HPGD: variants seen among roughly 807,000 people sequenced by gnomAD.
HPGD encodes 15-hydroxyprostaglandin dehydrogenase.
HPGD carries 29 observed loss-of-function variants against 30.0 expected under a neutral mutation model. That is an observed-to-expected ratio of 0.97 (90% CI 0.72 to 1.32). The LOEUF is 1.32. HPGD is among the 40% of genes most tolerant of loss of function. The pLI is 0.00. For synonymous variants in HPGD, 99 were observed against 112.4 expected, an observed-to-expected ratio of 0.88 and a Z score of 0.75; for missense variants, 340 against 322.1, an observed-to-expected ratio of 1.06 and a Z score of -0.43.
chr4:174,514,556 A>G (rs1279525763), intron 3 of HPGD, among the ~76,000 whole-genome samples: 3 of 152,124 alleles, frequency 2.0e-5, no homozygotes. Flanking sequence ...TAAAGCAAAC[A>G]TCTTACTGAG....
At chr4:174,522,526 C>T, upstream of HPGD, 1 of 1,029,370 alleles carries the variant, frequency 9.7e-7, no homozygotes, top group Non-Finnish European at 1.3e-6. Context: ...TGCCCCCCTG[C>T]GCGCGCGCGC....
rs1734299523 is a variant in HPGD, at chr4:174,490,703, CA to C, written c.*1252del. 1 of 152,312 alleles carries C rather than the reference CA, an allele frequency of 6.6e-6. No individual in the cohort carries two copies. The highest frequency in any genetic ancestry group is 1.5e-5 in the Non-Finnish European group (1 of 68,004). The allele number at this position is 152,312 out of a possible 1,614,324, so 9.4% of individuals were successfully genotyped here. ...AGAATTAAAATAGGGCAAGATATGA[CA>C]ACATTCCAGTACTTCTAGGAAATCC... is the stretch of plus-strand genomic sequence containing the variant. On this transcript the variant is annotated 3_prime_UTR_variant, in exon 7 of 7. Transcript: ENST00000296522. This position sits in a 1 kb window ranked among gnomAD's most constrained non-coding sequence, Gnocchi z 4.4.
rs1579272444 is a variant in HPGD, at chr4:174,495,807, C to T, written c.422-183G>A. On this transcript the variant is annotated intron_variant, in intron 4 of 6. Coordinates refer to ENST00000296522, the MANE Select transcript of HPGD (RefSeq NM_000860.6). ...TAGCCTAAGTGTAGTTTATTTGCTC[C>T]ATGACCCGTGTCGTCCAGAATTTAT... 3 of 626,922 alleles carry T rather than the reference C, an allele frequency of 4.8e-6. No individual in the cohort carries two copies. In the East Asian group the frequency reaches 8.5e-5, roughly 18 times the overall value. The allele number at this position is 626,922 out of a possible 1,614,324, so 38.8% of individuals were successfully genotyped here.
chr4:174,504,921 A>G (rs902574620), intron 4 of HPGD, among the ~76,000 whole-genome samples: 4 of 152,220 alleles, frequency 2.6e-5, no homozygotes, highest in Non-Finnish European at 5.9e-5. Context: ...ATTAAACCAG[A>G]CTTCGTTCTT....
Position 174,492,797 on chromosome 4 carries a change from A to T in HPGD, c.662+354T>A, listed in dbSNP as rs1469181586. Among the ~76,000 whole-genome samples, 4 of 152,072 alleles carry T rather than the reference A, an allele frequency of 2.6e-5. No individual in the cohort carries two copies. Among genetic ancestry groups the T allele is most frequent in the African/African-American group, 7.2e-5 (3 of 41,438 alleles). On this transcript the variant is annotated intron_variant, in intron 6 of 6. Coordinates refer to ENST00000296522, the MANE Select transcript of HPGD (RefSeq NM_000860.6). This position sits in a 1 kb window ranked among gnomAD's most constrained non-coding sequence, Gnocchi z 4.9. Reference sequence around the variant, plus strand: ...GTGTGTGTATCAACTATTTCTTATAAAAGTGGTTGAAGTCATGGAAACTTG... The same window carrying T: ...GTGTGTGTATCAACTATTTCTTATATAAGTGGTTGAAGTCATGGAAACTTG...
rs541949218 is a variant in HPGD at position 174,511,683 on chromosome 4, G to C, written c.325-2891C>G. Among the ~76,000 whole-genome samples, 16 of 152,144 alleles carry C rather than the reference G, an allele frequency of 1.1e-4. No individual in the cohort carries two copies. The East Asian group carries it at 3.1e-3, about 29-fold the overall frequency. ...TGTTTTTGAGACAGAGTCTCGCTCT[G>C]TCGCCCAGGCTGGAGTGCAGTGGCG... On this transcript the variant is annotated intron_variant, in intron 3 of 6. Transcript: ENST00000296522.
Position 174,494,362 on chromosome 4 carries a change from G to A in HPGD, c.499-1048C>T, listed in dbSNP as rs1017812974. 6.6e-6 allele frequency among the ~76,000 whole-genome samples: 1 copy of A among 152,138 alleles called. No individual in the cohort carries two copies. The highest frequency in any genetic ancestry group is 1.5e-5 in the Non-Finnish European group (1 of 68,028). On this transcript the variant is annotated intron_variant, in intron 5 of 6. Coordinates refer to ENST00000296522, the MANE Select transcript of HPGD (RefSeq NM_000860.6). The surrounding 1 kb of genome is among the most constrained non-coding windows in gnomAD (Gnocchi z 4.9). The stretch of plus-strand genomic sequence containing the variant: ...TATTTCCCCTAAAAGCAATGGTTCA[G>A]TAGTCACTAATGTAGTGTTTGTAAG...
intron 2 of HPGD, 30 bp downstream of exon 2, chr4:174,521,914 C>T (rs776313201): frequency 6.2e-7 from 1 of 1,613,708 alleles, no homozygotes; most frequent in Non-Finnish European, 8.5e-7. Context: ...GAGCACGTTC[C>T]CAGTTGACAG....
chr4:174,506,537 T>C (rs965078581), intron 4 of HPGD, among the ~76,000 whole-genome samples: 2 of 152,174 alleles, frequency 1.3e-5, no homozygotes, highest in African/African-American at 4.8e-5. Flanking sequence ...GAGGCTTACT[T>C]GATGTATAAG....
chr4:174,518,195 A>G, intron 2 of HPGD, 118 bp from the exon 3 acceptor site: 1 of 608,436 alleles, frequency 1.6e-6, no homozygotes, highest in Non-Finnish European at 3.0e-6. Flanking sequence ...AAGTTACTAA[A>G]CTCATGGGCT....
At position 174,522,369 on chromosome 4, in the gene HPGD, T is replaced by G. The variant is rs1736192043; in HGVS notation, c.83A>C (p.Lys28Thr). 6.4e-7 allele frequency: 1 copy of G among 1,566,708 alleles called. No individual in the cohort carries two copies. Among genetic ancestry groups the G allele is most frequent in the Admixed American group, 1.9e-5 (1 of 53,502 alleles). Residue 28 changes from lysine to threonine, a missense_variant, in exon 1 of 7, where the codon AAG becomes ACG. By Grantham distance (78) the Lys-to-Thr change is moderately conservative. Transcript: ENST00000296522. Reference protein sequence around the residue: ...GRAFAEALLLKGAKVALVDWN... With the variant: ...GRAFAEALLLTGAKVALVDWN... ...GGGCGCCGGGCTTACCTTGGCGCCCTTAAGCAGCAGCGCCTCTGCAAAGGC... is the reference window on the plus strand; with the variant it reads ...GGGCGCCGGGCTTACCTTGGCGCCCGTAAGCAGCAGCGCCTCTGCAAAGGC...
chr4:174,511,639 CT>C (rs765158329), intron 3 of HPGD, among the ~76,000 whole-genome samples: 1 of 151,968 alleles, frequency 6.6e-6, no homozygotes, highest in East Asian at 1.9e-4. Flanking sequence ...CTGAACATTT[CT>C]TTTTTTTAAT....
chr4:174,508,689 C>CAACGGG lies in HPGD; in HGVS notation c.421+6_421+7insCCCGTT. 2 of 1,522,702 alleles carry CAACGGG rather than the reference C, an allele frequency of 1.3e-6. No homozygotes were observed. Among genetic ancestry groups the CAACGGG allele is most frequent in the Non-Finnish European group, 9.1e-7 (1 of 1,097,060 alleles). The allele number at this position is 1,522,702 out of a possible 1,614,324, so 94.3% of individuals were successfully genotyped here. On this transcript the variant is annotated splice_region_variant and intron_variant, in intron 4 of 6. Coordinates refer to ENST00000296522, the MANE Select transcript of HPGD (RefSeq NM_000860.6). Reference sequence around the variant, plus strand: ...AATGTTACATTTAATGTAATAATTGCCCTTACCTGCTAAAGATGACATATT... The same window carrying CAACGGG: ...AATGTTACATTTAATGTAATAATTGCAACGGGCCTTACCTGCTAAAGATGACATATT...
Position 174,491,739 on chromosome 4 carries a change from A to C in HPGD, c.*217T>G. 1.9e-6 allele frequency: 1 copy of C among 518,272 alleles called. No homozygotes were observed. Among genetic ancestry groups the C allele is most frequent in the South Asian group, 2.4e-5 (1 of 41,922 alleles). The allele number at this position is 518,272 out of a possible 1,614,324, so 32.1% of individuals were successfully genotyped here. A position where few individuals can be genotyped will look rare whatever the true frequency, so the allele number is the denominator to read the frequency against. ...GTTTTGATCATTTTTTAGACTATCA[A>C]GATTACAACCTAGCCTTTGGTCCAC... On this transcript the variant is annotated 3_prime_UTR_variant, in exon 7 of 7. Transcript: ENST00000296522.
At chr4:174,513,460 A>AT (rs369816777) in intron 3 of HPGD, among the ~76,000 whole-genome samples, 8,104 of 147,448 alleles carry the variant, frequency 0.055, 511 homozygotes, top group African/African-American at 0.16. Context: ...TAAAATGCAT[A>AT]TTTTTTTTTT....
chr4:174,512,504 A>C (rs1735559983), intron 3 of HPGD, among the ~76,000 whole-genome samples: 1 of 152,220 alleles, frequency 6.6e-6, no homozygotes, highest in South Asian at 2.1e-4. Context: ...GCAAAAGAAC[A>C]AACATGGAAT....
intron 2 of HPGD, 114 bp downstream of exon 2, chr4:174,521,830 C>T: frequency 8.3e-7 from 1 of 1,207,372 alleles, no homozygotes; most frequent in Middle Eastern, 2.7e-4. Context: ...TTCAAGGTAG[C>T]TGCTCTCGAG....
At chr4:174,519,361 C>T (rs1000640575) in intron 2 of HPGD, among the ~76,000 whole-genome samples, 2 of 151,962 alleles carry the variant, frequency 1.3e-5, no homozygotes, top group Non-Finnish European at 2.9e-5. Context: ...CTACAGGCGC[C>T]CACCACCACG....
chr4:174,519,484 ACATATACATCCACATGGC>A (rs1735971450), intron 2 of HPGD, among the ~76,000 whole-genome samples: 1 of 152,182 alleles, frequency 6.6e-6, no homozygotes. Context: ...TGTGACCTGC[ACATATACATCCACATGGC>A]CTGAAGTAAC....
Sources: gnomAD v4.1 joint callset for allele counts (sites outside exome capture counted in the v4.1 genomes callset) on GRCh38, gnomAD v4.1.1 for gene constraint, Gnocchi (gnomAD v3.1) non-coding constraint, MANE v1.5 for transcripts, NCBI Gene and HGNC (gene_info 2026-07-23, HGNC 2026-07-21) for gene names.